The following MGA variants were observed in gnomAD, a reference collection of about 807,000 sequenced individuals.
MGA encodes the protein MAX gene-associated protein.
In MGA, 40 loss-of-function variants were observed where a neutral mutation model predicts 261.1. The observed-to-expected ratio is 0.15, with a 90% CI of 0.12 to 0.20. The LOEUF (loss-of-function observed/expected upper bound fraction) is 0.20. Among genes scored for constraint, MGA ranks in the 10% least tolerant of loss-of-function variants. MGA has a pLI of 1.00. For missense variants in MGA, 3,397 were observed against 3,630.5 expected (o/e 0.94, Z 1.65); for synonymous variants, 1,302 against 1,290.6 (o/e 1.01, Z -0.19).
At chr15:41,739,157 A>G (rs749010432) in intron 13 of MGA, among the ~76,000 whole-genome samples, 3 of 152,130 alleles carry the variant, frequency 2.0e-5, no homozygotes, top group Non-Finnish European at 4.4e-5. Context: ...ATCAACCCCC[A>G]CAAAAAACAA....
intron 1 of MGA, among the ~76,000 whole-genome samples, chr15:41,668,077 T>C (rs1343172012): frequency 1.3e-5 from 2 of 151,984 alleles, no homozygotes; most frequent in Non-Finnish European, 2.9e-5. Flanking sequence ...GTGCTGGGAT[T>C]GCAGGTGTGA....
intron 18 of MGA, 54 bp from the exon 19 acceptor site, chr15:41,757,734 G>A (rs1305393597): frequency 2.1e-6 from 3 of 1,426,804 alleles, no homozygotes; most frequent in African/African-American, 2.8e-5. Context: ...CTGTGAAATA[G>A]GTCTTAGATT....
intron 14 of MGA, among the ~76,000 whole-genome samples, chr15:41,741,830 G>A (rs1006479338): frequency 1.3e-5 from 2 of 151,914 alleles, no homozygotes; most frequent in Non-Finnish European, 2.9e-5. Flanking sequence ...TCCTGCCTCA[G>A]CCTCCTGAGT....
intron 1 of MGA, among the ~76,000 whole-genome samples, chr15:41,648,738 T>C (rs1014646819): frequency 4.6e-5 from 7 of 152,130 alleles, no homozygotes; most frequent in South Asian, 2.1e-4. Context: ...GGGAGAATGA[T>C]GTGAACGCGG....
intron 2 of MGA, 22 bp downstream of exon 2, chr15:41,669,980 C>A (rs760314800): frequency 1.3e-6 from 2 of 1,571,224 alleles, no homozygotes; most frequent in East Asian, 4.5e-5. Context: ...TTTTTCTGTT[C>A]TTAGAAATAA....
chr15:41,734,113 T>G (rs1377822975), intron 11 of MGA, among the ~76,000 whole-genome samples: 2 of 152,082 alleles, frequency 1.3e-5, no homozygotes, highest in African/African-American at 4.8e-5. Flanking sequence ...TTTGCCTTGT[T>G]GGCCAGGCTG....
intron 2 of MGA, among the ~76,000 whole-genome samples, chr15:41,681,151 T>G (rs184299464): frequency 6.6e-6 from 1 of 152,304 alleles, no homozygotes; most frequent in African/African-American, 2.4e-5. Context: ...GTAAAAAGAT[T>G]AAATAAAACC....
rs2059420232 is a variant in MGA, at chr15:41,693,979, T to C, written c.1065-2096T>C. On this transcript the variant is annotated intron_variant, in intron 2 of 23. Transcript: ENST00000219905. ...GCCTTGCAGTGATTTCTGCAAGAAATCTAAGAAAATATTTCTTAGATTTTA... is the reference window on the plus strand; with the variant it reads ...GCCTTGCAGTGATTTCTGCAAGAAACCTAAGAAAATATTTCTTAGATTTTA... Among the ~76,000 whole-genome samples, 3 of 152,060 alleles carry C rather than the reference T, an allele frequency of 2.0e-5. No individual in the cohort carries two copies. In the South Asian group the frequency reaches 6.2e-4, roughly 32 times the overall value.
chr15:41,712,993 G>C (rs1021073308), intron 8 of MGA, among the ~76,000 whole-genome samples, 158 bp from the exon 9 acceptor site: 7 of 152,178 alleles, frequency 4.6e-5, no homozygotes, highest in Non-Finnish European at 8.8e-5. Flanking sequence ...ATTGTTTAGA[G>C]CCCTGGTTAG....
intron 17 of MGA, among the ~76,000 whole-genome samples, chr15:41,752,802 C>G (rs1379813376): frequency 1.3e-5 from 2 of 152,120 alleles, no homozygotes; most frequent in East Asian, 1.9e-4. Context: ...AGGTGATCCA[C>G]CCACGTTGGC....
At chr15:41,765,936 C>A in intron 23 of MGA, 68 bp from the exon 24 acceptor site, 2 of 1,286,124 alleles carry the variant, frequency 1.6e-6, no homozygotes, top group Non-Finnish European at 2.2e-6. Flanking sequence ...TATGATATGA[C>A]AGAGAGAAAG....
intron 17 of MGA, 92 bp from the exon 18 acceptor site, chr15:41,754,345 T>G: frequency 7.0e-6 from 8 of 1,145,274 alleles, no homozygotes; most frequent in Non-Finnish European, 7.2e-6. Flanking sequence ...ATGTCTGGCA[T>G]TAGTTGGTTT....
In MGA at chr15:41,749,826, T is replaced by A; in HGVS notation, c.6219T>A (p.Asn2073Lys). The A allele has an allele frequency of 6.2e-7, 1 of 1,613,902 alleles. No individual in the cohort carries two copies. The highest frequency in any genetic ancestry group is 8.5e-7 in the Non-Finnish European group (1 of 1,179,868). ...TTAATGAAGAATATGGGGCTAGGAA[T>A]CGTAAGAGTTCCAAAGAAAAAGTGG... Residue 2073 changes from asparagine to lysine, a missense_variant, in exon 17 of 24, where the codon AAT becomes AAA. This residue lies in a region of MGA where 1,410 missense variants were observed against 1,386.4 expected (regional missense o/e 1.02). Coordinates refer to ENST00000219905, the MANE Select transcript of MGA (RefSeq NM_001164273.2).
upstream of MGA, among the ~76,000 whole-genome samples, chr15:41,656,398 G>A (rs1161642129): frequency 2.4e-5 from 2 of 83,110 alleles, no homozygotes; most frequent in Non-Finnish European, 5.6e-5. Flanking sequence ...CTGGAGTGCA[G>A]TGGCATGATC....
chr15:41,670,666 C>T (rs571534517), intron 2 of MGA, among the ~76,000 whole-genome samples: 15 of 152,170 alleles, frequency 9.9e-5, no homozygotes, highest in Non-Finnish European at 1.8e-4. Context: ...TCACCACGCC[C>T]GGCTAATTTT....
At chr15:41,716,948 A>AG (rs1451804393) in intron 9 of MGA, among the ~76,000 whole-genome samples, 10 of 152,174 alleles carry the variant, frequency 6.6e-5, no homozygotes, top group African/African-American at 2.4e-4. Context: ...GCTGAAAAAA[A>AG]GATGGGTAAC....
In MGA at chr15:41,757,778, C is replaced by G; in HGVS notation, c.7140-10C>G. The G allele has an allele frequency of 6.2e-7, 1 of 1,604,672 alleles. No homozygotes were observed. Among genetic ancestry groups the G allele is most frequent in the Non-Finnish European group, 8.5e-7 (1 of 1,173,100 alleles). On this transcript the variant is annotated splice_polypyrimidine_tract_variant and intron_variant, in intron 18 of 23. Transcript: ENST00000219905. ...TCAGTAAGACACTGAAAAATCCTGT[C>G]TTTATCCAGGTCCTGTACTCACATC...
intron 1 of MGA, among the ~76,000 whole-genome samples, chr15:41,638,951 TC>T (rs1046331928): frequency 2.6e-5 from 4 of 152,260 alleles, no homozygotes; most frequent in Middle Eastern, 3.4e-3. Context: ...GATCAAGTGA[TC>T]CACCTGTCTT....
chr15:41,680,845 CTG>C, intron 2 of MGA, among the ~76,000 whole-genome samples: 1 of 152,190 alleles, frequency 6.6e-6, no homozygotes, highest in East Asian at 1.9e-4. Context: ...TTGACAAAAT[CTG>C]TGATTGAACT....
Sources: allele counts gnomAD v4.1 joint callset (sites outside exome capture counted in the v4.1 genomes callset), GRCh38; gene constraint gnomAD v4.1.1; regional missense constraint gnomAD v4.1.1; transcripts MANE v1.5; gene names NCBI Gene and HGNC (gene_info 2026-07-23, HGNC 2026-07-21).